CAB39L: variants seen among roughly 807,000 people sequenced by gnomAD.
CAB39L encodes calcium-binding protein 39-like.
In CAB39L, 23 loss-of-function variants were observed where a neutral mutation model predicts 39.1. The observed-to-expected ratio is 0.59, with a 90% CI of 0.42 to 0.83. The LOEUF (loss-of-function observed/expected upper bound fraction) is 0.83. Ranked by LOEUF, CAB39L falls within the 40% of genes least tolerant of loss-of-function variation. The pLI is 0.00. For synonymous variants in CAB39L, 126 were observed against 137.2 expected (o/e 0.92, Z 0.57); for missense variants, 366 against 391.9 (o/e 0.93, Z 0.56).
intron 1 of CAB39L, among the ~76,000 whole-genome samples, chr13:49,442,922 C>G (rs1450029688): frequency 6.7e-6 from 1 of 150,290 alleles, no homozygotes; most frequent in Non-Finnish European, 1.5e-5. Flanking sequence ...TCTTGAATAA[C>G]TGAAATCTAA....
rs1198697259 is a variant in CAB39L at position 49,394,620 on chromosome 13, T to G, written c.-31-11679A>C. On this transcript the variant is annotated intron_variant, in intron 3 of 10. Coordinates refer to ENST00000409308, the MANE Select transcript of CAB39L (RefSeq NM_001079670.3). ...TTTTATCATAAAAAACTGAGAAATA[T>G]CTAATCTAACAGAGGGAAATAATTA... Among the ~76,000 whole-genome samples the G allele has an allele frequency of 2.6e-5, 4 of 152,244 alleles. No individual in the cohort carries two copies. In the East Asian group the frequency reaches 7.7e-4, roughly 29 times the overall value.
At chr13:49,341,254 C>A (rs1421897488) in intron 8 of CAB39L, among the ~76,000 whole-genome samples, 2 of 151,416 alleles carry the variant, frequency 1.3e-5, no homozygotes, top group East Asian at 3.9e-4. Flanking sequence ...TTTTCTTTTT[C>A]TTTTTCTTTT....
At chr13:49,407,084 A>G (rs1173869390) in intron 3 of CAB39L, among the ~76,000 whole-genome samples, 1 of 152,202 alleles carries the variant, frequency 6.6e-6, no homozygotes, top group Non-Finnish European at 1.5e-5. Flanking sequence ...TTAACAACCT[A>G]TAAATGGTGT....
intron 1 of CAB39L, among the ~76,000 whole-genome samples, chr13:49,442,942 A>AAT (rs1957565940): frequency 6.6e-6 from 1 of 152,136 alleles, no homozygotes; most frequent in Non-Finnish European, 1.5e-5. Context: ...AGCTGAAGGC[A>AAT]ATAATACATC....
chr13:49,377,843 CTGG>C (rs1956122986), intron 4 of CAB39L, among the ~76,000 whole-genome samples: 1 of 95,044 alleles, frequency 1.1e-5, no homozygotes, highest in Admixed American at 9.2e-5. Context: ...GCCCCTCTGC[CTGG>C]CTGCCCAGTC....
intron 10 of CAB39L, among the ~76,000 whole-genome samples, chr13:49,319,937 A>G (rs1954297732): frequency 6.6e-6 from 1 of 152,330 alleles, no homozygotes; most frequent in South Asian, 2.1e-4. Flanking sequence ...ATGTACTGGA[A>G]TTTGCAGACA....
intron 10 of CAB39L, among the ~76,000 whole-genome samples, chr13:49,324,283 C>T (rs1194556521): frequency 2.0e-5 from 3 of 151,980 alleles, no homozygotes; most frequent in Non-Finnish European, 4.4e-5. Flanking sequence ...CACCACTGCA[C>T]TCAAGCCTGG....
intron 3 of CAB39L, 37 bp from the exon 4 acceptor site, chr13:49,382,978 A>G: frequency 1.2e-6 from 1 of 847,522 alleles, no homozygotes; most frequent in African/African-American, 1.7e-5. Context: ...TATAACTTTA[A>G]CTCTTAATAT....
intron 7 of CAB39L, among the ~76,000 whole-genome samples, chr13:49,348,875 G>A (rs77886721): frequency 9.2e-5 from 14 of 152,040 alleles, no homozygotes; most frequent in African/African-American, 3.4e-4. Context: ...TCTCTCTGAC[G>A]GCCCAGCCTG....
At chr13:49,399,577 T>C (rs1407127974) in intron 3 of CAB39L, among the ~76,000 whole-genome samples, 5 of 152,074 alleles carry the variant, frequency 3.3e-5, no homozygotes, top group Non-Finnish European at 7.4e-5. Context: ...CTTGATAAAC[T>C]GTTTCCCAGG....
intron 9 of CAB39L, among the ~76,000 whole-genome samples, chr13:49,333,567 TC>T (rs1279991451): frequency 2.2e-5 from 3 of 135,586 alleles, no homozygotes; most frequent in South Asian, 4.7e-4. Context: ...TTTCTTTCTT[TC>T]TTTTTTTTTT....
At chr13:49,440,935 A>C (rs1022064736) in intron 1 of CAB39L, among the ~76,000 whole-genome samples, 1 of 152,036 alleles carries the variant, frequency 6.6e-6, no homozygotes, top group Admixed American at 6.6e-5. Flanking sequence ...TCAGATCATC[A>C]GCCAAGAGAG....
intron 7 of CAB39L, among the ~76,000 whole-genome samples, chr13:49,348,956 A>G (rs1209844799): frequency 2.0e-5 from 3 of 152,096 alleles, no homozygotes; most frequent in African/African-American, 7.2e-5. Flanking sequence ...CCTAAGTCCC[A>G]GCTTCCTTCT....
In CAB39L at chr13:49,356,711, C is replaced by T. The variant is rs186322351; in HGVS notation, c.395+3003G>A. On this transcript the variant is annotated intron_variant, in intron 6 of 10. Transcript: ENST00000409308. ...TTAAAGTGACTTCACAAGGATAATTCGGTAAAAATCCTGACTTTTAAGAAG... is the reference window on the plus strand; with the variant it reads ...TTAAAGTGACTTCACAAGGATAATTTGGTAAAAATCCTGACTTTTAAGAAG... 4.6e-5 allele frequency among the ~76,000 whole-genome samples: 7 copies of T among 152,174 alleles called. No individual in the cohort carries two copies. In the East Asian group the frequency reaches 7.7e-4, roughly 17 times the overall value.
intron 3 of CAB39L, among the ~76,000 whole-genome samples, chr13:49,416,515 A>C (rs1957086733): frequency 6.6e-6 from 1 of 152,210 alleles, no homozygotes. Flanking sequence ...GGAAAGCCAC[A>C]GTTTGAACAA....
chr13:49,393,443 G>A (rs959462599), intron 3 of CAB39L, among the ~76,000 whole-genome samples: 4 of 151,968 alleles, frequency 2.6e-5, no homozygotes, highest in Admixed American at 6.6e-5. Flanking sequence ...ATAGATGTAT[G>A]TGTCTATTTA....
At chr13:49,423,675 T>C (rs577419253) in intron 3 of CAB39L, among the ~76,000 whole-genome samples, 1 of 152,190 alleles carries the variant, frequency 6.6e-6, no homozygotes, top group South Asian at 2.1e-4. Flanking sequence ...TAAAAACAAG[T>C]AAGCAACTCT....
In CAB39L at chr13:49,330,842, T is replaced by C. The variant is rs535947108; in HGVS notation, c.834+1105A>G. On this transcript the variant is annotated intron_variant, in intron 10 of 10. Coordinates refer to ENST00000409308, the MANE Select transcript of CAB39L (RefSeq NM_001079670.3). The stretch of plus-strand genomic sequence containing the variant: ...GATGCATAAAATGCACATTGTAGCA[T>C]TACTTAGAGTAGGAAAAAATGAAAG... 2.0e-4 allele frequency among the ~76,000 whole-genome samples: 31 copies of C among 152,076 alleles called. No homozygotes were observed. In the South Asian group the frequency reaches 6.2e-3, roughly 30 times the overall value.
intron 6 of CAB39L, among the ~76,000 whole-genome samples, chr13:49,353,301 T>C (rs958382220): frequency 1.6e-4 from 24 of 152,182 alleles, no homozygotes; most frequent in African/African-American, 5.5e-4. Flanking sequence ...GTATATGTTC[T>C]GAAATGTAAA....
Sources: allele counts gnomAD v4.1 joint callset (sites outside exome capture counted in the v4.1 genomes callset), GRCh38; gene constraint gnomAD v4.1.1; transcripts MANE v1.5; gene names NCBI Gene and HGNC (gene_info 2026-07-23, HGNC 2026-07-21).